CEP89: variants seen among roughly 807,000 people sequenced by gnomAD.
The protein encoded by CEP89 is centrosomal protein of 89 kDa.
CEP89 carries 95 observed loss-of-function variants against 97.6 expected under a neutral mutation model. That is an observed-to-expected ratio of 0.97 (90% CI 0.82 to 1.15). CEP89 has a LOEUF of 1.15. Ranked by LOEUF, CEP89 falls within the 50% of genes most tolerant of loss-of-function variation. CEP89 has a pLI of 0.00. For synonymous variants in CEP89, 354 were observed against 349.1 expected (o/e 1.01, Z -0.16); for missense variants, 869 against 947.7 (o/e 0.92, Z 1.09).
At chr19:32,913,963 T>C (rs1970067768) in intron 14 of CEP89, among the ~76,000 whole-genome samples, 1 of 152,094 alleles carries the variant, frequency 6.6e-6, no homozygotes, top group Non-Finnish European at 1.5e-5. Context: ...AAAAATAAAA[T>C]TGTAATCATT....
chr19:32,907,496 G>A (rs1969912803), intron 14 of CEP89, among the ~76,000 whole-genome samples: 2 of 150,316 alleles, frequency 1.3e-5, no homozygotes, highest in South Asian at 4.2e-4. Context: ...TTGTCGCCCA[G>A]GCTGGAGTGC....
At chr19:32,929,416 A>G (rs976213320) in intron 9 of CEP89, among the ~76,000 whole-genome samples, 2 of 152,138 alleles carry the variant, frequency 1.3e-5, no homozygotes, top group Non-Finnish European at 2.9e-5. Context: ...AACCTGGCCA[A>G]CATGGTGAAA....
intron 14 of CEP89, among the ~76,000 whole-genome samples, chr19:32,903,941 C>T (rs35433636): frequency 0.22 from 33,572 of 152,168 alleles, 3,950 homozygotes; most frequent in East Asian, 0.52. Flanking sequence ...AGGAGGCTCC[C>T]TCAAGGCCAG....
chr19:32,912,223 A>G (rs1043557201), intron 14 of CEP89, among the ~76,000 whole-genome samples: 4 of 152,058 alleles, frequency 2.6e-5, no homozygotes, highest in Admixed American at 6.5e-5. Context: ...AAAGGAAAAA[A>G]AAGAAAATTA....
chr19:32,905,390 C>A (rs550735167), intron 14 of CEP89, among the ~76,000 whole-genome samples: 1 of 152,032 alleles, frequency 6.6e-6, no homozygotes, highest in Non-Finnish European at 1.5e-5. Context: ...AATTCTTTTT[C>A]TGTTTCTAGA....
chr19:32,940,193 ACCCC>A lies in CEP89; in HGVS notation c.596-312_596-309del, dbSNP rs1970659363. ...GCCAGGCTTCTCCTCTCCTTCCAAC[ACCCC>A]TCCCCATCACTCTCCACACATCTTC... On this transcript the variant is annotated intron_variant, in intron 5 of 18. Transcript: ENST00000305768. Among the ~76,000 whole-genome samples the A allele has an allele frequency of 2.0e-5, 3 of 147,012 alleles. No individual in the cohort carries two copies. In the Admixed American group the frequency reaches 2.1e-4, roughly 10 times the overall value.
intron 16 of CEP89, among the ~76,000 whole-genome samples, chr19:32,894,976 T>C (rs906880162): frequency 6.6e-6 from 1 of 152,248 alleles, no homozygotes; most frequent in East Asian, 1.9e-4. Context: ...TGAGATTGAA[T>C]CATTAATAAA....
rs1371870184 is a variant in CEP89 at position 32,887,853 on chromosome 19, G to A, written c.1876-12C>T. ...TCTAAACATTTTGCCTAGGGAGAAG[G>A]GTGATAAATGGGCTCTCAGTTTTAC... On this transcript the variant is annotated splice_polypyrimidine_tract_variant and intron_variant, in intron 16 of 18. Coordinates refer to ENST00000305768, the MANE Select transcript of CEP89 (RefSeq NM_032816.5). The A allele has an allele frequency of 7.0e-7, 1 of 1,438,566 alleles. No homozygotes were observed. Among genetic ancestry groups the A allele is most frequent in the Non-Finnish European group, 9.7e-7 (1 of 1,026,220 alleles). 89.1% of individuals were successfully genotyped at this position (1,438,566 alleles called of 1,614,324 possible).
At chr19:32,926,541 C>G (rs1389942004) in intron 10 of CEP89, among the ~76,000 whole-genome samples, 1 of 152,160 alleles carries the variant, frequency 6.6e-6, no homozygotes, top group African/African-American at 2.4e-5. Flanking sequence ...AACACCCGCA[C>G]AGGCTTGACC....
rs1216910996 is a variant in CEP89, at chr19:32,887,778, G to A, written c.1939C>T (p.Leu647=). 1.2e-6 allele frequency: 2 copies of A among 1,612,852 alleles called. No individual in the cohort carries two copies. Among genetic ancestry groups the A allele is most frequent in the South Asian group, 2.2e-5 (2 of 91,018 alleles). The change falls in exon 17 of 19, where the codon CTG becomes TTG. Residue 647 remains leucine, a synonymous_variant. Transcript: ENST00000305768. The part of the protein sequence containing the change: ...LNKVIKSNIR[L]GKLEEKVKGY... ...TTGACTTTTTCCTCTAACTTTCCCAGGCGAATGTTGCTTTTTATGACTTTA... is the reference window on the plus strand; with the variant it reads ...TTGACTTTTTCCTCTAACTTTCCCAAGCGAATGTTGCTTTTTATGACTTTA...
Position 32,923,518 on chromosome 19 carries a change from G to A in CEP89, c.1189C>T (p.Arg397Ter), listed in dbSNP as rs374612024. The part of the protein sequence containing the change: ...LKEEMRMFRM[R>*]VQEVVKENEE... ...TTTTCTTTCACCACTTCTTGGACTCGCATCCTAAACATTCTCATTTCCTCC... is the reference window on the plus strand; with the variant it reads ...TTTTCTTTCACCACTTCTTGGACTCACATCCTAAACATTCTCATTTCCTCC... Residue 397 changes from arginine to a stop codon, truncating the protein, a stop_gained, in exon 12 of 19, where the codon CGA becomes TGA. Coordinates refer to ENST00000305768, the MANE Select transcript of CEP89 (RefSeq NM_032816.5). LOFTEE classifies it high-confidence loss of function. The A allele has an allele frequency of 2.5e-5, 40 of 1,600,604 alleles. No homozygotes were observed. In the African/African-American group the frequency reaches 3.1e-4, roughly 12 times the overall value.
At chr19:32,886,279 GC>G (rs1328150431) in intron 17 of CEP89, among the ~76,000 whole-genome samples, 1 of 152,084 alleles carries the variant, frequency 6.6e-6, no homozygotes, top group Non-Finnish European at 1.5e-5. Flanking sequence ...TTATATGAAG[GC>G]CTCTGAATTC....
chr19:32,937,817 C>T, intron 6 of CEP89, 144 bp from the exon 7 acceptor site: 2 of 690,384 alleles, frequency 2.9e-6, no homozygotes, highest in Non-Finnish European at 5.1e-6. Context: ...TTTGTTTTAG[C>T]TTTCAAAACT....
chr19:32,900,888 C>CA (rs747155129), intron 15 of CEP89, among the ~76,000 whole-genome samples: 1 of 138,164 alleles, frequency 7.2e-6, no homozygotes, highest in Admixed American at 7.4e-5. Flanking sequence ...CTTCATTTGT[C>CA]TTTTTTTTTT....
rs1327348544 is a variant in CEP89, at chr19:32,879,387, A to G, written c.2136-9T>C. The G allele has an allele frequency of 6.2e-7, 1 of 1,608,834 alleles. No individual in the cohort carries two copies. Among genetic ancestry groups the G allele is most frequent in the South Asian group, 1.1e-5 (1 of 90,982 alleles). ...GTTCACCTTCCATTTCTCTGAGGGA[A>G]ATAAGTTTAAAATGGCACAATTTTA... is the stretch of plus-strand genomic sequence containing the variant. On this transcript the variant is annotated splice_polypyrimidine_tract_variant and intron_variant, in intron 18 of 18. Transcript: ENST00000305768.
chr19:32,896,130 T>C (rs1205717528), intron 16 of CEP89, among the ~76,000 whole-genome samples: 1 of 152,140 alleles, frequency 6.6e-6, no homozygotes, highest in Non-Finnish European at 1.5e-5. Context: ...ACTTTATACA[T>C]ATGGAACCAA....
intron 6 of CEP89, among the ~76,000 whole-genome samples, chr19:32,939,333 A>G (rs1568570763): frequency 6.6e-6 from 1 of 152,182 alleles, no homozygotes; most frequent in Non-Finnish European, 1.5e-5. Flanking sequence ...ACCCTTTAAT[A>G]CATTACTTTC....
intron 16 of CEP89, among the ~76,000 whole-genome samples, chr19:32,892,038 C>A (rs1198886880): frequency 6.6e-6 from 1 of 150,570 alleles, no homozygotes; most frequent in East Asian, 2.0e-4. Flanking sequence ...CCAAAAAGGT[C>A]TTCTCCCGAC....
chr19:32,877,979 C>T lies in CEP89; in HGVS notation c.*1183G>A, dbSNP rs139678953. On this transcript the variant is annotated 3_prime_UTR_variant, in exon 19 of 19. Transcript: ENST00000305768. Reference sequence around the variant, plus strand: ...ATTTTTAGTAGAGATGGGGTTTCACCATGTTGGCCAGGCTGGTCTCGAACT... The same window carrying T: ...ATTTTTAGTAGAGATGGGGTTTCACTATGTTGGCCAGGCTGGTCTCGAACT... 22,689 of 152,138 alleles carry T rather than the reference C, an allele frequency of 0.15. 2,022 individuals are homozygous for T. Among genetic ancestry groups the T allele is most frequent in the Non-Finnish European group, 0.21 (14,384 of 67,974 alleles). The allele number at this position is 152,138 out of a possible 1,614,324, so 9.4% of individuals were successfully genotyped here. A position where few individuals can be genotyped will look rare whatever the true frequency, so the allele number is the denominator to read the frequency against.
Sources: gnomAD v4.1 joint callset for allele counts (sites outside exome capture counted in the v4.1 genomes callset) on GRCh38, gnomAD v4.1.1 for gene constraint, MANE v1.5 for transcripts, NCBI Gene and HGNC (gene_info 2026-07-23, HGNC 2026-07-21) for gene names.